SIDT1: variants seen among roughly 807,000 people sequenced by gnomAD.
SIDT1 encodes SID1 transmembrane family, member 1.
In SIDT1, 101 loss-of-function variants were observed where a neutral mutation model predicts 107.5. That is an observed-to-expected ratio of 0.94 (90% confidence interval 0.80 to 1.11). The LOEUF (loss-of-function observed/expected upper bound fraction) is 1.11, where lower values mean the gene tolerates loss of function less well. SIDT1 is among the 50% of genes least tolerant of loss of function. The pLI is 0.00. For synonymous variants in SIDT1, 395 were observed against 398.2 expected (o/e 0.99, Z 0.10); for missense variants, 1,076 against 1,058.2 (o/e 1.02, Z -0.23).
downstream of SIDT1, among the ~76,000 whole-genome samples, chr3:113,630,866 C>T (rs1473642519): frequency 1.3e-5 from 2 of 152,164 alleles, no homozygotes; most frequent in Non-Finnish European, 2.9e-5. Flanking sequence ...GTGGATCCAT[C>T]AGCCAGTCTG....
chr3:113,600,722 T>A (rs1944899261), intron 10 of SIDT1, among the ~76,000 whole-genome samples: 2 of 152,250 alleles, frequency 1.3e-5, no homozygotes, highest in African/African-American at 4.8e-5. Context: ...AGATTTGATC[T>A]CTCATACTTA....
chr3:113,635,012 C>G, the SIDT1 span, among the ~76,000 whole-genome samples: 998 of 152,264 alleles, frequency 6.6e-3, 10 homozygotes, highest in African/African-American at 0.022. Flanking sequence ...AGCTTGTAAA[C>G]GTAAGAACCA....
rs552105602 is a variant in SIDT1, at chr3:113,601,178, G to T, written c.1046-410G>T. 2.6e-5 allele frequency among the ~76,000 whole-genome samples: 4 copies of T among 152,278 alleles called. No homozygotes were observed. The South Asian group carries it at 8.3e-4, about 32-fold the overall frequency. On this transcript the variant is annotated intron_variant, in intron 10 of 24. Coordinates refer to ENST00000264852, the MANE Select transcript of SIDT1 (RefSeq NM_017699.3). ...TTTTTCTTTATGGGGGAAATTAATG[G>T]ACACATAAAAAATTTAAAACATGCT...
chr3:113,577,346 G>A (rs1942982294), intron 4 of SIDT1, among the ~76,000 whole-genome samples: 1 of 152,168 alleles, frequency 6.6e-6, no homozygotes, highest in African/African-American at 2.4e-5. Context: ...GCTGGGAAGT[G>A]GTAGTGGGGA....
At chr3:113,621,474 G>A (rs1005575249) in intron 21 of SIDT1, among the ~76,000 whole-genome samples, 10 of 151,968 alleles carry the variant, frequency 6.6e-5, no homozygotes, top group African/African-American at 2.4e-4. Context: ...GAAGTCAGTT[G>A]GAATTCAAAA....
chr3:113,583,490 A>C lies in SIDT1; in HGVS notation c.829A>C (p.Ile277Leu). The change falls in exon 7 of 25, where the codon ATC (isoleucine) becomes CTC (leucine). Residue 277 changes from isoleucine to leucine, a missense_variant. Ile to Leu is a conservative substitution (Grantham distance 5). Coordinates refer to ENST00000264852, the MANE Select transcript of SIDT1 (RefSeq NM_017699.3). Reference sequence around the variant, plus strand: ...TTATGCCTGTGGAGGATCTTTCTTCATCCAGGGTAAGAGCTAGTGAGGAAC... The same window carrying C: ...TTATGCCTGTGGAGGATCTTTCTTCCTCCAGGGTAAGAGCTAGTGAGGAAC... ...EDYACGGSFF[I>L]QEKENQTWNL... 6.3e-7 allele frequency: 1 copy of C among 1,592,026 alleles called. No individual in the cohort carries two copies. The highest frequency in any genetic ancestry group is 8.6e-7 in the Non-Finnish European group (1 of 1,164,110).
intron 3 of SIDT1, among the ~76,000 whole-genome samples, chr3:113,573,622 G>C (rs537152358): frequency 1.4e-4 from 21 of 152,302 alleles, no homozygotes; most frequent in Non-Finnish European, 2.4e-4. Context: ...TGGAGGTGGG[G>C]CCTTTGGGAG....
At position 113,627,691 on chromosome 3, in the gene SIDT1, C is replaced by A; in HGVS notation, c.2467C>A (p.Gln823Lys). Reference sequence around the variant, plus strand: ...TGACCTTGATGTGGTTCGGAGAGACCAGATCCCTGTCTTCTGAACCTCCAA... The same window carrying A: ...TGACCTTGATGTGGTTCGGAGAGACAAGATCCCTGTCTTCTGAACCTCCAA... ...DDDLDVVRRD[Q>K]IPVF is the part of the protein sequence containing the mutation. The change falls in exon 25 of 25, where the codon CAG becomes AAG. Residue 823 changes from glutamine (Q) to lysine (K), a missense_variant. By Grantham distance (53) the Gln-to-Lys change is moderately conservative. Transcript: ENST00000264852. 6.2e-7 allele frequency: 1 copy of A among 1,613,670 alleles called. No individual in the cohort carries two copies. The highest frequency in any genetic ancestry group is 8.5e-7 in the Non-Finnish European group (1 of 1,179,988).
At chr3:113,562,000 T>C (rs561312688) in intron 1 of SIDT1, among the ~76,000 whole-genome samples, 2 of 152,334 alleles carry the variant, frequency 1.3e-5, no homozygotes, top group South Asian at 4.1e-4. Flanking sequence ...TATATAATGC[T>C]GGTGAGTGTC....
At chr3:113,556,467 G>A (rs1322575668) in intron 1 of SIDT1, among the ~76,000 whole-genome samples, 1 of 151,152 alleles carries the variant, frequency 6.6e-6, no homozygotes, top group Non-Finnish European at 1.5e-5. Context: ...AACGGTCACT[G>A]GACTCTCCTA....
rs145591047 is a variant in SIDT1 at position 113,543,232 on chromosome 3, C to T, written c.222+9989C>T. On this transcript the variant is annotated intron_variant, in intron 1 of 24. Coordinates refer to ENST00000264852, the MANE Select transcript of SIDT1 (RefSeq NM_017699.3). ...CTGAGATTACAGGTGTGAGCCACCA[C>T]GCCCAGCCCAATTAGTTAGTTTTGA... is the stretch of plus-strand genomic sequence containing the variant. Among the ~76,000 whole-genome samples the T allele has an allele frequency of 4.6e-5, 7 of 152,102 alleles. No homozygotes were observed. In the East Asian group the frequency reaches 1.2e-3, roughly 25 times the overall value.
intron 3 of SIDT1, 27 bp from the exon 4 acceptor site, chr3:113,576,895 T>G: frequency 6.2e-7 from 1 of 1,612,966 alleles, no homozygotes; most frequent in Non-Finnish European, 8.5e-7. Context: ...CTTTTCCCCT[T>G]TCCCTTCTGC....
chr3:113,587,685 GTTA>G (rs1303141487), intron 9 of SIDT1, among the ~76,000 whole-genome samples: 1 of 152,232 alleles, frequency 6.6e-6, no homozygotes, highest in African/African-American at 2.4e-5. Flanking sequence ...AGTGGGTACT[GTTA>G]TTATCACCAA....
intron 10 of SIDT1, among the ~76,000 whole-genome samples, chr3:113,594,161 T>C (rs907628451): frequency 1.3e-5 from 2 of 152,208 alleles, no homozygotes; most frequent in Non-Finnish European, 2.9e-5. Flanking sequence ...AGCAGGATCA[T>C]TGCTCCCTTT....
chr3:113,535,273 T>A (rs1387164848), intron 1 of SIDT1, among the ~76,000 whole-genome samples: 1 of 138,494 alleles, frequency 7.2e-6, no homozygotes, highest in Non-Finnish European at 1.6e-5. Context: ...CCCTGTTTTT[T>A]CAAAATGTTT....
At chr3:113,551,222 C>T (rs1940194052) in intron 1 of SIDT1, among the ~76,000 whole-genome samples, 1 of 152,164 alleles carries the variant, frequency 6.6e-6, no homozygotes, top group African/African-American at 2.4e-5. Flanking sequence ...CTGCAGTGAA[C>T]ATATGCATGC....
chr3:113,616,165 C>A lies in SIDT1; in HGVS notation c.2032C>A (p.Pro678Thr), dbSNP rs768072367. Residue 678 changes from proline to threonine, a missense_variant, in exon 20 of 25, where the codon CCT (proline) becomes ACT (threonine). Coordinates refer to ENST00000264852, the MANE Select transcript of SIDT1 (RefSeq NM_017699.3). The part of the protein sequence containing the change: ...YTDCIQQCSR[P>T]LYMDRMVLLV... The stretch of plus-strand genomic sequence containing the variant: ...AGACTGTATCCAGCAGTGTAGCCGA[C>A]CTCTATATATGGTATGTGCATGTTC... 4 of 1,612,740 alleles carry A rather than the reference C, an allele frequency of 2.5e-6. No homozygotes were observed. In the South Asian group the frequency reaches 4.4e-5, roughly 18 times the overall value.
chr3:113,586,879 C>A (rs975605960), intron 9 of SIDT1, among the ~76,000 whole-genome samples: 1 of 152,136 alleles, frequency 6.6e-6, no homozygotes. Context: ...AGAAAAGTTA[C>A]ATAAGTATTC....
Position 113,610,884 on chromosome 3 carries a change from C to CG in SIDT1, c.1721-121dup, listed in dbSNP as rs1404928276. ...ATGTTAGAGGTCTCCACACAGCCTG[C>CG]GGGTAGAAAATAGTCCATGGATTGA... On this transcript the variant is annotated intron_variant, in intron 17 of 24. Coordinates refer to ENST00000264852, the MANE Select transcript of SIDT1 (RefSeq NM_017699.3). The CG allele has an allele frequency of 7.6e-6, 9 of 1,187,106 alleles. No individual in the cohort carries two copies. The East Asian group carries it at 1.9e-4, about 25-fold the overall frequency. 73.5% of individuals were successfully genotyped at this position (1,187,106 alleles called of 1,614,324 possible). A position where few individuals can be genotyped will look rare whatever the true frequency, so the allele number is the denominator to read the frequency against.
Sources: gnomAD v4.1 joint callset for allele counts (sites outside exome capture counted in the v4.1 genomes callset) on GRCh38, gnomAD v4.1.1 for gene constraint, MANE v1.5 for transcripts, NCBI Gene and HGNC (gene_info 2026-07-23, HGNC 2026-07-21) for gene names.